Variants in DLG2 observed in about 807,000 individuals in gnomAD.
DLG2 encodes discs large MAGUK scaffold protein 2, also known as disks large homolog 2.
A neutral mutation model predicts 132.5 loss-of-function variants in DLG2; 45 were observed. That is an observed-to-expected ratio of 0.34 (90% CI 0.27 to 0.44). DLG2 has a LOEUF of 0.44. Among genes scored for constraint, DLG2 ranks in the 20% least tolerant of loss-of-function variants. The pLI is 1.00. For synonymous variants in DLG2, 424 were observed against 419.6 expected, an observed-to-expected ratio of 1.01 and a Z score of -0.13; for missense variants, 1,045 against 1,196.9, an observed-to-expected ratio of 0.87 and a Z score of 1.87.
chr11:84,240,382 C>T (rs2097210753), intron 8 of DLG2, among the ~76,000 whole-genome samples: 1 of 152,152 alleles, frequency 6.6e-6, no homozygotes, highest in Admixed American at 6.6e-5. Context: ...TGTAACTGAA[C>T]CTGTCTCCTA....
chr11:84,821,197 C>T (rs753893272), intron 6 of DLG2, among the ~76,000 whole-genome samples: 9 of 151,804 alleles, frequency 5.9e-5, no homozygotes, highest in Non-Finnish European at 1.3e-4. Flanking sequence ...GTAAAAGAGA[C>T]AACAGACGAA....
intron 3 of DLG2, among the ~76,000 whole-genome samples, chr11:85,537,986 G>A (rs1312734461): frequency 6.6e-6 from 1 of 151,816 alleles, no homozygotes; most frequent in African/African-American, 2.4e-5. Flanking sequence ...CGTGGTGGCA[G>A]GCACCTGTAA....
intron 7 of DLG2, among the ~76,000 whole-genome samples, chr11:84,467,718 G>A (rs1042542366): frequency 3.3e-5 from 5 of 151,196 alleles, no homozygotes; most frequent in African/African-American, 1.2e-4. Flanking sequence ...ATTTGAATAG[G>A]GACTAGCTAT....
chr11:85,300,186 A>G (rs1293676088), intron 3 of DLG2, among the ~76,000 whole-genome samples: 3 of 152,344 alleles, frequency 2.0e-5, no homozygotes, highest in Admixed American at 6.5e-5. Context: ...ACAAATTTCC[A>G]TACTTCACTT....
intron 6 of DLG2, among the ~76,000 whole-genome samples, chr11:85,047,206 G>A (rs2062432070): frequency 1.3e-5 from 2 of 151,826 alleles, no homozygotes; most frequent in Non-Finnish European, 2.9e-5. Flanking sequence ...TTTACCAAGT[G>A]CTTGCTGTTC....
intron 3 of DLG2, among the ~76,000 whole-genome samples, chr11:85,420,523 G>C (rs964422906): frequency 8.6e-5 from 13 of 151,858 alleles, no homozygotes; most frequent in African/African-American, 2.7e-4. Context: ...TGCTGAAGTT[G>C]AGCCCACATC....
intron 8 of DLG2, among the ~76,000 whole-genome samples, chr11:84,205,473 C>T (rs2096653062): frequency 6.6e-6 from 1 of 151,596 alleles, no homozygotes; most frequent in Non-Finnish European, 1.5e-5. Context: ...AGTAAGACTA[C>T]ACTGGGCCAT....
intron 4 of DLG2, among the ~76,000 whole-genome samples, chr11:85,234,706 G>A (rs2075487543): frequency 6.6e-6 from 1 of 151,886 alleles, no homozygotes; most frequent in Non-Finnish European, 1.5e-5. Flanking sequence ...TAACACCTTG[G>A]GTTAAGACAT....
chr11:84,287,195 C>A (rs1332412606), intron 7 of DLG2, among the ~76,000 whole-genome samples: 1 of 152,164 alleles, frequency 6.6e-6, no homozygotes, highest in Non-Finnish European at 1.5e-5. Flanking sequence ...TTTTAGTAAG[C>A]TCTGCCCATA....
chr11:83,996,865 A>T (rs570705362), intron 11 of DLG2, among the ~76,000 whole-genome samples: 2 of 152,264 alleles, frequency 1.3e-5, no homozygotes, highest in Non-Finnish European at 2.9e-5. Context: ...AGGGATGGTT[A>T]ATATGTACAA....
intron 6 of DLG2, among the ~76,000 whole-genome samples, chr11:84,992,681 C>T (rs1235708239): frequency 6.6e-6 from 1 of 152,174 alleles, no homozygotes; most frequent in Non-Finnish European, 1.5e-5. Flanking sequence ...TTGTTGGCCA[C>T]ATAAATGTCT....
chr11:84,806,514 A>G (rs1043689877), intron 6 of DLG2, among the ~76,000 whole-genome samples: 2 of 152,230 alleles, frequency 1.3e-5, no homozygotes, highest in African/African-American at 2.4e-5. Context: ...TTTAGAGGTT[A>G]TATGGAAGTG....
intron 7 of DLG2, among the ~76,000 whole-genome samples, chr11:84,427,881 C>T (rs1241199151): frequency 6.6e-6 from 1 of 152,142 alleles, no homozygotes; most frequent in Non-Finnish European, 1.5e-5. Context: ...AGTTACCAGC[C>T]CTTCTGATAG....
At chr11:85,542,768 A>G (rs1330931991) in intron 3 of DLG2, among the ~76,000 whole-genome samples, 1 of 152,248 alleles carries the variant, frequency 6.6e-6, no homozygotes, top group East Asian at 1.9e-4. Flanking sequence ...TACTTGCAAC[A>G]CTGAATTAAT....
At chr11:85,537,190 C>T (rs554279101) in intron 3 of DLG2, among the ~76,000 whole-genome samples, 5 of 152,248 alleles carry the variant, frequency 3.3e-5, no homozygotes, top group Admixed American at 3.3e-4. Context: ...CAATATGGAC[C>T]AATCGGCTCT....
chr11:84,068,619 A>T (rs1294833792), intron 10 of DLG2, among the ~76,000 whole-genome samples: 1 of 152,214 alleles, frequency 6.6e-6, no homozygotes, highest in Non-Finnish European at 1.5e-5. Context: ...TTAGATAAAC[A>T]CATACATTTT....
At chr11:85,439,086 A>G (rs947738994) in intron 3 of DLG2, among the ~76,000 whole-genome samples, 1 of 152,246 alleles carries the variant, frequency 6.6e-6, no homozygotes, top group East Asian at 1.9e-4. Context: ...TTAACTGTTC[A>G]CCTACTGAAT....
At chr11:84,879,751 C>G (rs548526387) in intron 6 of DLG2, among the ~76,000 whole-genome samples, 7 of 152,022 alleles carry the variant, frequency 4.6e-5, no homozygotes, top group Non-Finnish European at 1.0e-4. Context: ...TGTCATCTAT[C>G]AAAAATAGAG....
rs935100057 is a variant in DLG2 at position 85,539,021 on chromosome 11, C to A, written c.40+59636G>T. On this transcript the variant is annotated intron_variant, in intron 3 of 27. Coordinates refer to ENST00000376104, the MANE Select transcript of DLG2 (RefSeq NM_001142699.3). Reference sequence around the variant, plus strand: ...ATTAAATTACATTTTTTTAAAAAAACACCTTCTCAGATCCACCTTGTCTGA... The same window carrying A: ...ATTAAATTACATTTTTTTAAAAAAAAACCTTCTCAGATCCACCTTGTCTGA... Among the ~76,000 whole-genome samples, 2 of 151,740 alleles carry A rather than the reference C, an allele frequency of 1.3e-5. 1 individual carries two copies.
Sources: allele counts gnomAD v4.1 joint callset (sites outside exome capture counted in the v4.1 genomes callset), GRCh38; gene constraint gnomAD v4.1.1; transcripts MANE v1.5; gene names NCBI Gene and HGNC (gene_info 2026-07-23, HGNC 2026-07-21).